ACBD6: variants seen among roughly 807,000 people sequenced by gnomAD.
ACBD6 encodes the protein acyl-CoA binding domain containing 6.
In ACBD6, 28 loss-of-function variants were observed where a neutral mutation model predicts 37.2. The observed-to-expected ratio is 0.75, with a 90% CI of 0.56 to 1.03. The LOEUF is 1.03. Among genes scored for constraint, ACBD6 ranks in the 50% least tolerant of loss-of-function variants. The probability of loss-of-function intolerance (pLI) is 0.00; values close to 1 mark genes in which losing one functional copy is unlikely to be tolerated. For synonymous variants in ACBD6, 113 were observed against 126.8 expected (o/e 0.89, Z 0.73); for missense variants, 340 against 337.4 (o/e 1.01, Z -0.06).
chr1:180,476,152 T>C (rs1047871082), intron 3 of ACBD6, among the ~76,000 whole-genome samples: 34 of 152,192 alleles, frequency 2.2e-4, no homozygotes, highest in African/African-American at 8.0e-4. Flanking sequence ...TAGAAGTTTA[T>C]CCCCAGGTAA....
At chr1:180,391,651 A>T (rs981596810) in intron 6 of ACBD6, among the ~76,000 whole-genome samples, 4 of 152,182 alleles carry the variant, frequency 2.6e-5, no homozygotes, top group Non-Finnish European at 5.9e-5. Context: ...GACAGATGAT[A>T]ACAAGTATTG....
At chr1:180,352,113 T>C (rs1446054463) in intron 6 of ACBD6, among the ~76,000 whole-genome samples, 1 of 151,986 alleles carries the variant, frequency 6.6e-6, no homozygotes, top group East Asian at 1.9e-4. Context: ...AGACAGAAAG[T>C]AGAATTATGG....
intron 6 of ACBD6, among the ~76,000 whole-genome samples, chr1:180,352,959 G>A (rs1283135010): frequency 4.6e-5 from 7 of 152,118 alleles, no homozygotes; most frequent in African/African-American, 9.7e-5. Flanking sequence ...TTTTTATTAC[G>A]ACTTATAGCA....
chr1:180,414,917 G>A (rs192137237), intron 4 of ACBD6, among the ~76,000 whole-genome samples: 4 of 152,176 alleles, frequency 2.6e-5, no homozygotes, highest in East Asian at 3.9e-4. Context: ...AAGTAGAGCT[G>A]CAAATAATAC....
In ACBD6 at chr1:180,430,055, A is replaced by T. The variant is rs544447389; in HGVS notation, c.467+125T>A. On this transcript the variant is annotated intron_variant, in intron 4 of 7. Coordinates refer to ENST00000367595, the MANE Select transcript of ACBD6 (RefSeq NM_032360.4). Reference sequence around the variant, plus strand: ...TCATGTTAAGAAGGAATGCTTCACAAATTGAAGATTTCAGGATTAAAAATA... The same window carrying T: ...TCATGTTAAGAAGGAATGCTTCACATATTGAAGATTTCAGGATTAAAAATA... 9 of 810,056 alleles carry T rather than the reference A, an allele frequency of 1.1e-5. No individual in the cohort carries two copies. The Admixed American group carries it at 2.2e-4, about 20-fold the overall frequency. 50.2% of individuals were successfully genotyped at this position (810,056 alleles called of 1,614,324 possible). A position where few individuals can be genotyped will look rare whatever the true frequency, so the allele number is the denominator to read the frequency against.
In ACBD6 at chr1:180,288,247, T is replaced by C; in HGVS notation, c.*116A>G. The C allele has an allele frequency of 7.0e-7, 1 of 1,434,774 alleles. No homozygotes were observed. The highest frequency in any genetic ancestry group is 9.6e-7 in the Non-Finnish European group (1 of 1,039,440). The allele number at this position is 1,434,774 out of a possible 1,614,324, so 88.9% of individuals were successfully genotyped here. On this transcript the variant is annotated 3_prime_UTR_variant, in exon 8 of 8. Coordinates refer to ENST00000367595, the MANE Select transcript of ACBD6 (RefSeq NM_032360.4). ...CTTCAAAATCCCAGTTCCACAGAACTGATTTTATTAGCCAATACATACCAA... is the reference window on the plus strand; with the variant it reads ...CTTCAAAATCCCAGTTCCACAGAACCGATTTTATTAGCCAATACATACCAA...
chr1:180,414,770 A>T (rs1648005157), intron 4 of ACBD6, among the ~76,000 whole-genome samples: 1 of 152,224 alleles, frequency 6.6e-6, no homozygotes, highest in Non-Finnish European at 1.5e-5. Context: ...TTAAGTAAGA[A>T]ATCATGTTTA....
chr1:180,395,624 T>C (rs1039390000), intron 6 of ACBD6, among the ~76,000 whole-genome samples: 2 of 152,144 alleles, frequency 1.3e-5, no homozygotes, highest in Non-Finnish European at 2.9e-5. Flanking sequence ...GTCATTAGGA[T>C]GTCTATTGTC....
intron 7 of ACBD6, among the ~76,000 whole-genome samples, chr1:180,289,256 A>G (rs145933685): frequency 2.0e-5 from 3 of 152,326 alleles, no homozygotes; most frequent in Non-Finnish European, 4.4e-5. Flanking sequence ...CAGTGGGGAA[A>G]TAAAGACCCA....
At chr1:180,285,065 A>C (rs762781125), downstream of ACBD6, among the ~76,000 whole-genome samples, 4 of 152,116 alleles carry the variant, frequency 2.6e-5, no homozygotes, top group African/African-American at 4.8e-5. Flanking sequence ...GAGCCAGGGA[A>C]GTCAAGTCTG....
intron 4 of ACBD6, 97 bp downstream of exon 4, chr1:180,430,083 T>C (rs1648752820): frequency 2.0e-6 from 2 of 999,950 alleles, no homozygotes; most frequent in Non-Finnish European, 3.1e-6. Flanking sequence ...TAAAAATATA[T>C]AGTACACATA....
chr1:180,353,718 G>T (rs1652506683), intron 6 of ACBD6, among the ~76,000 whole-genome samples: 2 of 95,914 alleles, frequency 2.1e-5, no homozygotes, highest in South Asian at 6.2e-4. Flanking sequence ...ATGCAGGGCA[G>T]GGTAAAGATA....
chr1:180,497,563 TAGAAATTAAAACTG>T (rs1205154175), intron 1 of ACBD6, among the ~76,000 whole-genome samples: 2 of 152,212 alleles, frequency 1.3e-5, no homozygotes, highest in Non-Finnish European at 2.9e-5. Context: ...TTTACCACAT[TAGAAATTAAAACTG>T]GGACATTTAA....
chr1:180,320,753 C>T (rs1433306461), intron 6 of ACBD6, among the ~76,000 whole-genome samples: 1 of 152,044 alleles, frequency 6.6e-6, no homozygotes, highest in East Asian at 1.9e-4. Flanking sequence ...GGTTGTCTTT[C>T]ACTTTGTTGA....
chr1:180,397,675 A>T, intron 5 of ACBD6, 70 bp from the exon 6 acceptor site: 2 of 1,266,324 alleles, frequency 1.6e-6, no homozygotes, highest in South Asian at 2.4e-5. Flanking sequence ...TAATGTTTTA[A>T]GAAAGACAAG....
Position 180,502,245 on chromosome 1 carries a change from C to A in ACBD6, c.22G>T (p.Ala8Ser), listed in dbSNP as rs1224814927. 6.2e-7 allele frequency: 1 copy of A among 1,613,612 alleles called. No individual in the cohort carries two copies. Among genetic ancestry groups the A allele is most frequent in the East Asian group, 2.2e-5 (1 of 44,872 alleles). ...CCGCTGTCGCCGGTGATGGCCCCCGCGGGCAGGAATGATGAAGCCATGTCT... is the reference window on the plus strand; with the variant it reads ...CCGCTGTCGCCGGTGATGGCCCCCGAGGGCAGGAATGATGAAGCCATGTCT... MASSFLPAGAITGDSGGE... is the reference protein window; with the variant it reads MASSFLPSGAITGDSGGE... Residue 8 changes from alanine to serine, a missense_variant, in exon 1 of 8, where the codon GCG becomes TCG. Physicochemically the swap from Ala to Ser is moderately conservative, Grantham distance 99 (BLOSUM62 1). Coordinates refer to ENST00000367595, the MANE Select transcript of ACBD6 (RefSeq NM_032360.4).
chr1:180,426,787 C>T (rs2101992093), intron 4 of ACBD6, among the ~76,000 whole-genome samples: 1 of 152,306 alleles, frequency 6.6e-6, no homozygotes, highest in East Asian at 1.9e-4. Flanking sequence ...TATGTATTCA[C>T]ATAATCTGCT....
intron 3 of ACBD6, chr1:180,434,794 C>A (rs1435636234): frequency 7.3e-6 from 5 of 688,934 alleles, no homozygotes; most frequent in African/African-American, 1.8e-5. Context: ...TGCCTCTAAG[C>A]CGAAGGTGGC....
chr1:180,419,730 T>C (rs1648274874), intron 4 of ACBD6, among the ~76,000 whole-genome samples: 1 of 152,186 alleles, frequency 6.6e-6, no homozygotes, highest in African/African-American at 2.4e-5. Flanking sequence ...AAAATGTTAC[T>C]AAGAAAATCA....
Sources: gnomAD v4.1 joint callset for allele counts (sites outside exome capture counted in the v4.1 genomes callset) on GRCh38, gnomAD v4.1.1 for gene constraint, MANE v1.5 for transcripts, NCBI Gene and HGNC (gene_info 2026-07-23, HGNC 2026-07-21) for gene names.